FCN2: variants seen among roughly 807,000 people sequenced by gnomAD.
FCN2 encodes ficolin-2.
Under a neutral mutation model 32.5 loss-of-function variants are expected in FCN2, and 31 were observed. That is an observed-to-expected ratio of 0.96 (90% CI 0.72 to 1.29). The LOEUF is 1.29. Among genes scored for constraint, FCN2 ranks in the 50% most tolerant of loss-of-function variants. The pLI is 0.00. For synonymous variants in FCN2, 181 were observed against 164.5 expected, an observed-to-expected ratio of 1.10 and a Z score of -0.77; for missense variants, 412 against 406.5, an observed-to-expected ratio of 1.01 and a Z score of -0.12.
upstream of FCN2, among the ~76,000 whole-genome samples, chr9:134,879,559 G>C (rs1055351378): frequency 6.6e-6 from 1 of 152,102 alleles, no homozygotes; most frequent in South Asian, 2.1e-4. Flanking sequence ...TTCCATATCT[G>C]CATCTCCATG....
chr9:134,869,188 G>T, the FCN2 span, among the ~76,000 whole-genome samples: 1 of 152,210 alleles, frequency 6.6e-6, no homozygotes, highest in Non-Finnish European at 1.5e-5. Flanking sequence ...GGTCCCTTGG[G>T]ACTCATGCAT....
At position 134,887,356 on chromosome 9, in the gene FCN2, T is replaced by C. The variant is rs1056051652; in HGVS notation, c.883T>C (p.Ser295Pro). The C allele has an allele frequency of 6.2e-7, 1 of 1,614,044 alleles. No individual in the cohort carries two copies. Among genetic ancestry groups the C allele is most frequent in the Non-Finnish European group, 8.5e-7 (1 of 1,180,006 alleles). ...CTTTGCAAATGGCATCAACTGGAAGTCGGGGAAAGGATACAATTATAGCTA... is the reference window on the plus strand; with the variant it reads ...CTTTGCAAATGGCATCAACTGGAAGCCGGGGAAAGGATACAATTATAGCTA... ...GSFANGINWKSGKGYNYSYKV... is the reference protein window; with the variant it reads ...GSFANGINWKPGKGYNYSYKV... The change falls in exon 8 of 8, where the codon TCG becomes CCG. Residue 295 changes from serine to proline, a missense_variant. Physicochemically the swap from Ser to Pro is moderately conservative, Grantham distance 74 (BLOSUM62 -1). Transcript: ENST00000291744.
the FCN2 span, among the ~76,000 whole-genome samples, chr9:134,873,109 T>A: frequency 1.6e-5 from 2 of 125,008 alleles, no homozygotes; most frequent in African/African-American, 6.3e-5. Flanking sequence ...TGTGTGCCTG[T>A]TTTTTTTTAA....
chr9:134,878,717 C>T (rs569988643), upstream of FCN2, among the ~76,000 whole-genome samples: 19 of 152,218 alleles, frequency 1.2e-4, no homozygotes, highest in Admixed American at 4.6e-4. Context: ...GTAGTGCCTG[C>T]CTGTAATTCC....
the FCN2 span, among the ~76,000 whole-genome samples, chr9:134,869,900 G>C: frequency 1.3e-5 from 2 of 152,116 alleles, no homozygotes; most frequent in Non-Finnish European, 2.9e-5. Context: ...CTGTCTGCAA[G>C]CACCCATAGC....
the FCN2 span, among the ~76,000 whole-genome samples, chr9:134,874,115 CG>C: frequency 6.6e-6 from 1 of 152,030 alleles, no homozygotes; most frequent in Admixed American, 6.6e-5. Context: ...AGGGTTTCAC[CG>C]TGTTGGCCAG....
chr9:134,884,781 C>T lies in FCN2; in HGVS notation c.301+9C>T. 6.2e-7 allele frequency: 1 copy of T among 1,613,518 alleles called. No individual in the cohort carries two copies. Among genetic ancestry groups the T allele is most frequent in the East Asian group, 2.2e-5 (1 of 44,868 alleles). On this transcript the variant is annotated intron_variant, in intron 4 of 7. Transcript: ENST00000291744. ...CCAGCCGTGCCTGACAGGTGACTGA[C>T]CACCCCCACACTCCTCCCACGGCTT... is the stretch of plus-strand genomic sequence containing the variant.
the FCN2 span, among the ~76,000 whole-genome samples, chr9:134,866,366 C>T: frequency 1.5e-5 from 2 of 137,798 alleles, no homozygotes; most frequent in African/African-American, 5.3e-5. Context: ...TTTGACAAAC[C>T]TGAGAAAAAC....
intron 4 of FCN2, 42 bp from the exon 5 acceptor site, chr9:134,885,197 A>G (rs763019846): frequency 1.2e-5 from 20 of 1,613,408 alleles, no homozygotes; most frequent in Non-Finnish European, 1.7e-5. Context: ...TGCCCTGCCC[A>G]GGGCTCCTGT....
Position 134,885,890 on chromosome 9 carries a change from C to T in FCN2, c.552C>T (p.Thr184=), listed in dbSNP as rs111618014. The T allele has an allele frequency of 6.2e-5, 100 of 1,612,750 alleles. No individual in the cohort carries two copies. In the Middle Eastern group the frequency reaches 9.9e-4, roughly 16 times the overall value. Residue 184 remains threonine (T), a synonymous_variant, in exon 6 of 8, where the codon ACC becomes ACT. Transcript: ENST00000291744. ...GGAATGACAACATCCACGCCCTGACCGCCCAGGGTAGGGCCGCTGCTGGGG... is the reference window on the plus strand; with the variant it reads ...GGAATGACAACATCCACGCCCTGACTGCCCAGGGTAGGGCCGCTGCTGGGG... The part of the protein sequence containing the change: ...WLGNDNIHAL[T]AQGTSELRVD...
At chr9:134,868,102 G>A in the FCN2 span, 6 of 152,398 alleles carry the variant, frequency 3.9e-5, no homozygotes, top group African/African-American at 1.4e-4. The surrounding 1 kb of genome is among the most constrained non-coding windows in gnomAD (Gnocchi z 4.3). Flanking sequence ...CCAACGCCAG[G>A]TCTCTGCCCC....
At chr9:134,875,348 T>A in the FCN2 span, among the ~76,000 whole-genome samples, 15 of 152,300 alleles carry the variant, frequency 9.8e-5, no homozygotes, top group African/African-American at 3.4e-4. Flanking sequence ...CAAGCTTCCT[T>A]CCGTGGTAGA....
rs770999397 is a variant in FCN2, at chr9:134,884,783, A to G, written c.301+11A>G. ...AGCCGTGCCTGACAGGTGACTGACCACCCCCACACTCCTCCCACGGCTTGT... is the reference window on the plus strand; with the variant it reads ...AGCCGTGCCTGACAGGTGACTGACCGCCCCCACACTCCTCCCACGGCTTGT... On this transcript the variant is annotated intron_variant, in intron 4 of 7. Coordinates refer to ENST00000291744, the MANE Select transcript of FCN2 (RefSeq NM_004108.3). 1 of 1,613,270 alleles carries G rather than the reference A, an allele frequency of 6.2e-7. No individual in the cohort carries two copies. The highest frequency in any genetic ancestry group is 2.2e-5 in the East Asian group (1 of 44,856).
chr9:134,881,745 G>A (rs1045937195), intron 1 of FCN2, among the ~76,000 whole-genome samples: 4 of 152,204 alleles, frequency 2.6e-5, no homozygotes, highest in African/African-American at 9.7e-5. Flanking sequence ...GGAACAGCGG[G>A]GATTCGCTTG....
chr9:134,867,459 G>T, the FCN2 span, among the ~76,000 whole-genome samples: 5 of 135,236 alleles, frequency 3.7e-5, no homozygotes, highest in African/African-American at 8.5e-5. Flanking sequence ...ATGGACACAG[G>T]AAGGGGAACA....
intron 6 of FCN2, 32 bp downstream of exon 6, chr9:134,885,929 G>C (rs756534656): frequency 6.3e-7 from 1 of 1,588,576 alleles, no homozygotes; most frequent in African/African-American, 1.3e-5. Flanking sequence ...GGGGGTCGGG[G>C]GCCCTGAATG....
rs34789496 is a variant in FCN2, at chr9:134,885,881, C to T, written c.543C>T (p.His181=). 0.011 allele frequency: 18,490 copies of T among 1,613,114 alleles called. 1,110 individuals are homozygous for T. In the East Asian group the frequency reaches 0.17, roughly 15 times the overall value. ...TCTGGCTGGGGAATGACAACATCCA[C>T]GCCCTGACCGCCCAGGGTAGGGCCG... ...GEFWLGNDNI[H]ALTAQGTSEL... Residue 181 remains histidine, a synonymous_variant, in exon 6 of 8, where the codon CAC becomes CAT. Coordinates refer to ENST00000291744, the MANE Select transcript of FCN2 (RefSeq NM_004108.3).
chr9:134,875,170 G>A, the FCN2 span, among the ~76,000 whole-genome samples: 1 of 152,206 alleles, frequency 6.6e-6, no homozygotes, highest in Non-Finnish European at 1.5e-5. Context: ...TAATATGCAT[G>A]ACTTCTTTTT....
the FCN2 span, among the ~76,000 whole-genome samples, chr9:134,871,218 A>C: frequency 0.039 from 5,916 of 152,264 alleles, 387 homozygotes; most frequent in African/African-American, 0.13. Context: ...ATCGGCGCTG[A>C]GGACTGGTGG....
Sources: allele counts gnomAD v4.1 joint callset (sites outside exome capture counted in the v4.1 genomes callset), GRCh38; gene constraint gnomAD v4.1.1; non-coding constraint Gnocchi (gnomAD v3.1); transcripts MANE v1.5; gene names NCBI Gene and HGNC (gene_info 2026-07-23, HGNC 2026-07-21).